HPS4: variants seen among roughly 807,000 people sequenced by gnomAD.
HPS4 encodes HPS4 biogenesis of lysosomal organelles complex 3 subunit 2.
Under a neutral mutation model 70.3 loss-of-function variants are expected in HPS4, and 44 were observed. The observed-to-expected ratio is 0.63, with a 90% CI of 0.49 to 0.80. HPS4 has a LOEUF of 0.80. HPS4 is among the 30% of genes least tolerant of loss of function. HPS4 has a pLI of 0.00. For missense variants in HPS4, 873 were observed against 884.4 expected (o/e 0.99, Z 0.16); for synonymous variants, 377 against 355.9 (o/e 1.06, Z -0.67).
chr22:26,473,419 A>G (rs927521697), intron 4 of HPS4, among the ~76,000 whole-genome samples: 3 of 152,230 alleles, frequency 2.0e-5, no homozygotes, highest in African/African-American at 7.2e-5. Context: ...AACTGACCGC[A>G]ATCTTCCCAG....
At chr22:26,446,676 G>A (rs2084964167), downstream of HPS4, among the ~76,000 whole-genome samples, 1 of 152,222 alleles carries the variant, frequency 6.6e-6, no homozygotes, top group Non-Finnish European at 1.5e-5. Flanking sequence ...CTATGGCCCT[G>A]TGTAACACCG....
downstream of HPS4, among the ~76,000 whole-genome samples, chr22:26,448,716 T>C (rs892041696): frequency 2.0e-5 from 3 of 152,188 alleles, no homozygotes; most frequent in African/African-American, 7.2e-5. Context: ...TACAGCTAAT[T>C]TCAGGTTTGG....
chr22:26,483,522 G>A (rs2091526129), intron 1 of HPS4, among the ~76,000 whole-genome samples, 152 bp downstream of exon 1: 1 of 152,162 alleles, frequency 6.6e-6, no homozygotes, highest in Non-Finnish European at 1.5e-5. Context: ...GCAGCGACTG[G>A]TAACAGCACT....
chr22:26,469,205 G>T (rs902038952), intron 7 of HPS4, among the ~76,000 whole-genome samples: 1 of 151,524 alleles, frequency 6.6e-6, no homozygotes, highest in Non-Finnish European at 1.5e-5. Flanking sequence ...ACAGCACTTT[G>T]GGAGGCTGAG....
chr22:26,446,910 T>C (rs889922156), downstream of HPS4, among the ~76,000 whole-genome samples: 1 of 152,108 alleles, frequency 6.6e-6, no homozygotes, highest in African/African-American at 2.4e-5. Flanking sequence ...GTATTTTTAG[T>C]AGAGACAGTT....
chr22:26,472,841 T>C lies in HPS4; in HGVS notation c.375A>G (p.Leu125=), dbSNP rs762612733. 31 of 1,613,254 alleles carry C rather than the reference T, an allele frequency of 1.9e-5. No individual in the cohort carries two copies. In the East Asian group the frequency reaches 6.2e-4, roughly 32 times the overall value. ...FFNFYNGPVS[L]AYENCSQEEL... ...AACCCCATACTTGTACCTCATAAGC[T>C]AGGGAAACAGGTCCATTGTAAAAAT... is the stretch of plus-strand genomic sequence containing the variant. Residue 125 remains leucine (L), a synonymous_variant, in exon 5 of 14, where the codon CTA becomes CTG. Transcript: ENST00000398145.
At position 26,464,348 on chromosome 22, in the gene HPS4, G is replaced by C. The variant is rs777875261; in HGVS notation, c.1282C>G (p.Pro428Ala). Residue 428 changes from proline to alanine, a missense_variant, in exon 11 of 14, where the codon CCC (proline) becomes GCC (alanine). Coordinates refer to ENST00000398145, the MANE Select transcript of HPS4 (RefSeq NM_022081.6). ...EDTAISSLRP[P>A]SAPEMLTQHG... The stretch of plus-strand genomic sequence containing the variant: ...TGGGTCAGCATCTCAGGAGCAGAGG[G>C]AGGGCGCAAGCTGCTGATGGCTGTG... 1.9e-6 allele frequency: 3 copies of C among 1,614,170 alleles called. No individual in the cohort carries two copies. Among genetic ancestry groups the C allele is most frequent in the Non-Finnish European group, 2.5e-6 (3 of 1,180,044 alleles).
At chr22:26,448,512 C>T (rs1409213200), downstream of HPS4, among the ~76,000 whole-genome samples, 1 of 152,234 alleles carries the variant, frequency 6.6e-6, no homozygotes, top group Non-Finnish European at 1.5e-5. Flanking sequence ...TCTCCCTCTC[C>T]TCCCCATGGG....
At chr22:26,469,687 CA>C (rs781594494) in intron 7 of HPS4, among the ~76,000 whole-genome samples, 651 of 57,622 alleles carry the variant, frequency 0.011, 3 homozygotes, top group Non-Finnish European at 0.018. Context: ...CTCGTCCCTA[CA>C]AAAAAAAAAA....
Position 26,457,885 on chromosome 22 carries a change from C to T in HPS4, c.1929G>A (p.Leu643=). Residue 643 remains leucine, a synonymous_variant, in exon 13 of 14, where the codon CTG becomes CTA. Transcript: ENST00000398145. ...TGACAGTCATTTCATAAAGCGCGGG[C>T]AGCTGGGCAAATTCGCTATGCATCA... ...VSLMHSEFAQ[L]PALYEMTVRN... is the part of the protein sequence containing the mutation. 1 of 1,614,200 alleles carries T rather than the reference C, an allele frequency of 6.2e-7. No homozygotes were observed. The highest frequency in any genetic ancestry group is 1.7e-5 in the Admixed American group (1 of 60,030).
At chr22:26,447,627 C>A (rs1250209150), downstream of HPS4, among the ~76,000 whole-genome samples, 3 of 152,116 alleles carry the variant, frequency 2.0e-5, no homozygotes, top group African/African-American at 7.2e-5. Flanking sequence ...CTGCTGCCAG[C>A]AACCTTCCAT....
In HPS4 at chr22:26,457,942, C is replaced by A. The variant is rs775986716; in HGVS notation, c.1872G>T (p.Pro624=). Residue 624 remains proline (P), a synonymous_variant, in exon 13 of 14, where the codon CCG becomes CCT. Coordinates refer to ENST00000398145, the MANE Select transcript of HPS4 (RefSeq NM_022081.6). ...LMANLPQVAT[P]QDRRFLQAVS... The stretch of plus-strand genomic sequence containing the variant: ...CGGCCTGGAGGAAGCGGCGATCCTG[C>A]GGGGTGGCCACCTGCGGCAGGTTTG... 4 of 1,613,654 alleles carry A rather than the reference C, an allele frequency of 2.5e-6. No homozygotes were observed. The highest frequency in any genetic ancestry group is 2.5e-6 in the Non-Finnish European group (3 of 1,179,992).
rs745759291 is a variant in HPS4 at position 26,479,351 on chromosome 22, T to C, written c.46A>G (p.Asn16Asp). The stretch of plus-strand genomic sequence containing the variant: ...GAACCATCATAAAGAAAAAAATAAT[T>C]CCACCTGGCAAGAGAACAGAGTGGA... ...STEAKSASWW[N>D]YFFLYDGSKV... The change falls in exon 3 of 14, where the codon AAT (asparagine) becomes GAT (aspartate). Residue 16 changes from asparagine to aspartate, a missense_variant. Asn to Asp is a conservative substitution (Grantham distance 23, BLOSUM62 1). Coordinates refer to ENST00000398145, the MANE Select transcript of HPS4 (RefSeq NM_022081.6). 6.2e-7 allele frequency: 1 copy of C among 1,613,954 alleles called. No individual in the cohort carries two copies. Among genetic ancestry groups the C allele is most frequent in the South Asian group, 1.1e-5 (1 of 91,058 alleles).
intron 4 of HPS4, 47 bp from the exon 5 acceptor site, chr22:26,472,986 G>C (rs1240919988): frequency 6.5e-7 from 1 of 1,549,678 alleles, no homozygotes; most frequent in East Asian, 2.2e-5. Context: ...TTCTCTTTGA[G>C]TCCAAGCCCA....
chr22:26,468,781 G>A (rs1317661161), intron 7 of HPS4, among the ~76,000 whole-genome samples, 158 bp from the exon 8 acceptor site: 2 of 152,226 alleles, frequency 1.3e-5, no homozygotes, highest in Non-Finnish European at 2.9e-5. Flanking sequence ...CACTCTGGCA[G>A]TTCCTACCAA....
chr22:26,479,293 G>A lies in HPS4; in HGVS notation c.104C>T (p.Ala35Val), dbSNP rs777324808. The change falls in exon 3 of 14, where the codon GCT (alanine) becomes GTT (valine). Residue 35 changes from alanine to valine, a missense_variant. Ala to Val is a moderately conservative substitution (Grantham distance 64). Transcript: ENST00000398145. ...GGAAGGATAAAAGTAACAAATGCCA[G>A]CTCTTGTTGGATCGCCTTCTTCCTT... ...KVKEEGDPTRAGICYFYPSQT... is the reference protein window; with the variant it reads ...KVKEEGDPTRVGICYFYPSQT... 6.2e-7 allele frequency: 1 copy of A among 1,614,212 alleles called. No homozygotes were observed. The highest frequency in any genetic ancestry group is 8.5e-7 in the Non-Finnish European group (1 of 1,180,040).
chr22:26,471,757 A>T (rs1221674845), intron 6 of HPS4, among the ~76,000 whole-genome samples: 1 of 152,190 alleles, frequency 6.6e-6, no homozygotes, highest in East Asian at 1.9e-4. Flanking sequence ...GAGGGCTGTG[A>T]GTCAGGGCTC....
chr22:26,449,606 T>C (rs562624308), downstream of HPS4, among the ~76,000 whole-genome samples: 83 of 152,062 alleles, frequency 5.5e-4, no homozygotes, highest in African/African-American at 2.0e-3. Context: ...GCTGGGATTA[T>C]ACAGGCGTCA....
At chr22:26,443,258 A>AG, downstream of HPS4, 2 of 1,480,738 alleles carry the variant, frequency 1.4e-6, no homozygotes, top group South Asian at 2.3e-5. Context: ...GGGCCTGGGC[A>AG]GACTGTGGTC....
Sources: allele counts gnomAD v4.1 joint callset (sites outside exome capture counted in the v4.1 genomes callset), GRCh38; gene constraint gnomAD v4.1.1; transcripts MANE v1.5; gene names NCBI Gene and HGNC (gene_info 2026-07-23, HGNC 2026-07-21).